LIPA: variants seen among roughly 807,000 people sequenced by gnomAD.
The protein encoded by LIPA is lysosomal acid lipase/cholesteryl ester hydrolase.
Under a neutral mutation model 40.6 loss-of-function variants are expected in LIPA, and 26 were observed. The ratio of observed to expected loss-of-function variants is 0.64; its 90% CI spans 0.47 to 0.89. The LOEUF is 0.89. LIPA is among the 40% of genes least tolerant of loss of function. The pLI is 0.00. For synonymous variants in LIPA, 188 were observed against 168.4 expected (o/e 1.12, Z -0.90); for missense variants, 455 against 479.6 (o/e 0.95, Z 0.48).
rs1302855875 is a variant in LIPA at position 89,366,579 on chromosome 10, C to T, written c.61+46212G>A. ...GCCAACAGACACATGAAAAAATGCT[C>T]ATCATCACTGGCCATCAGAGAAATG... On this transcript the variant is annotated intron_variant, in intron 2 of 8. Transcript: ENST00000371837. Among the ~76,000 whole-genome samples the T allele has an allele frequency of 1.2e-4, 19 of 152,306 alleles. 1 individual carries two copies. Among genetic ancestry groups the T allele is most frequent in the African/African-American group, 4.6e-4 (19 of 41,556 alleles).
At chr10:89,334,221 G>A (rs1843694251) in intron 1 of LIPA, among the ~76,000 whole-genome samples, 1 of 152,226 alleles carries the variant, frequency 6.6e-6, no homozygotes, top group Non-Finnish European at 1.5e-5. Flanking sequence ...AGGTGGTCAT[G>A]ATCTGGGTTA....
rs1454085125 is a variant in LIPA, at chr10:89,213,857, T to C, written c.*971A>G. ...ATATAAAACTAAGACACAAAATGAATCCCTGAGCTGAGTTTGCATCCGAAA... is the reference window on the plus strand; with the variant it reads ...ATATAAAACTAAGACACAAAATGAACCCCTGAGCTGAGTTTGCATCCGAAA... On this transcript the variant is annotated 3_prime_UTR_variant, in exon 10 of 10. Transcript: ENST00000336233. 1 of 152,178 alleles carries C rather than the reference T, an allele frequency of 6.6e-6. No individual in the cohort carries two copies. The highest frequency in any genetic ancestry group is 1.5e-5 in the Non-Finnish European group (1 of 68,018). The allele number at this position is 152,178 out of a possible 1,614,324, so 9.4% of individuals were successfully genotyped here.
At chr10:89,390,740 C>T (rs935320724) in intron 2 of LIPA, among the ~76,000 whole-genome samples, 1 of 152,164 alleles carries the variant, frequency 6.6e-6, no homozygotes. Flanking sequence ...TGGGCCATAG[C>T]CCCGTAGAAC....
intron 1 of LIPA, chr10:89,306,041 A>G: frequency 6.2e-7 from 1 of 1,614,104 alleles, no homozygotes; most frequent in South Asian, 1.1e-5. Flanking sequence ...GGAGGGAGAA[A>G]ACTCCTTGGA....
intron 2 of LIPA, among the ~76,000 whole-genome samples, chr10:89,411,389 G>A (rs1218864392): frequency 6.6e-6 from 1 of 152,208 alleles, no homozygotes; most frequent in African/African-American, 2.4e-5. Context: ...AAATGTGTCA[G>A]CTGTTTGCAC....
rs1269652400 is a variant in LIPA at position 89,259,793 on chromosome 10, CAT to C, written c.-1-12146_-1-12145del. Among the ~76,000 whole-genome samples the C allele has an allele frequency of 1.3e-5, 2 of 152,274 alleles. 1 individual carries two copies. Among genetic ancestry groups the C allele is most frequent in the South Asian group, 4.1e-4 (2 of 4,822 alleles). On this transcript the variant is annotated intron_variant, in intron 1 of 5. Transcript: ENST00000282673. The stretch of plus-strand genomic sequence containing the variant: ...AGAAAGAGGACAAACAAAAACAGTA[CAT>C]GTCTCATTTCATTTTCATAAAAATA...
chr10:89,402,809 C>A (rs554970189), intron 2 of LIPA: 1 of 1,614,166 alleles, frequency 6.2e-7, no homozygotes, highest in Admixed American at 1.7e-5. Flanking sequence ...CTGAATCCAG[C>A]GCTGGGTATG....
intron 2 of LIPA, among the ~76,000 whole-genome samples, chr10:89,247,325 T>C (rs1043895058): frequency 4.0e-5 from 5 of 126,318 alleles, no homozygotes; most frequent in African/African-American, 1.6e-4. Flanking sequence ...TGAGCCGAGA[T>C]CACACCACTG....
At chr10:89,270,993 C>T (rs749513814) in intron 1 of LIPA, among the ~76,000 whole-genome samples, 4 of 152,152 alleles carry the variant, frequency 2.6e-5, no homozygotes, top group African/African-American at 7.2e-5. Context: ...ACCCATCAAA[C>T]CTTAAAGTTG....
At chr10:89,241,149 A>T (rs755664379) in intron 3 of LIPA, among the ~76,000 whole-genome samples, 46 of 152,190 alleles carry the variant, frequency 3.0e-4, no homozygotes, top group Non-Finnish European at 5.1e-4. Flanking sequence ...AGAGCGGTTA[A>T]CCAGGAGGAA....
intron 2 of LIPA, among the ~76,000 whole-genome samples, chr10:89,406,755 C>T (rs181221799): frequency 6.8e-4 from 104 of 152,260 alleles, no homozygotes; most frequent in African/African-American, 2.4e-3. Context: ...TTAAGAACTG[C>T]AACACTCACT....
chr10:89,364,919 G>C (rs954255175), intron 2 of LIPA, among the ~76,000 whole-genome samples: 3 of 152,112 alleles, frequency 2.0e-5, no homozygotes, highest in African/African-American at 7.2e-5. Flanking sequence ...TGTGTGGGAA[G>C]CAAGAAAACT....
rs1843015870 is a variant in LIPA at position 89,245,756 on chromosome 10, T to TC, written c.148dup (p.Glu50GlyfsTer5). 1 of 1,600,112 alleles carries TC rather than the reference T, an allele frequency of 6.2e-7. No individual in the cohort carries two copies. The highest frequency in any genetic ancestry group is 2.2e-5 in the East Asian group (1 of 44,800). Reference sequence around the variant, plus strand: ...TCCATCTTCTGTCTCAACTAGGTATTCCTCACTAGGGAATCCCCAGTAAGA... The same window carrying TC: ...TCCATCTTCTGTCTCAACTAGGTATTCCCTCACTAGGGAATCCCCAGTAAGA... On this transcript the variant is annotated frameshift_variant, in exon 3 of 10. Coordinates refer to ENST00000336233, the MANE Select transcript of LIPA (RefSeq NM_000235.4). LOFTEE classifies it high-confidence loss of function.
intron 1 of LIPA, among the ~76,000 whole-genome samples, chr10:89,318,415 T>C (rs61853138): frequency 0.023 from 3,519 of 152,308 alleles, 52 homozygotes; most frequent in Non-Finnish European, 0.036. Flanking sequence ...GTTGCAATCC[T>C]AGTCTCTGAT....
chr10:89,271,648 G>C (rs1289584996), intron 1 of LIPA, among the ~76,000 whole-genome samples: 2 of 152,154 alleles, frequency 1.3e-5, no homozygotes, highest in Admixed American at 1.3e-4. Context: ...AATGCAGTGA[G>C]GACTGCTAAT....
intron 1 of LIPA, among the ~76,000 whole-genome samples, chr10:89,301,006 A>G (rs1843442525): frequency 6.6e-6 from 1 of 152,240 alleles, no homozygotes; most frequent in East Asian, 1.9e-4. Flanking sequence ...ATTTTAGTTA[A>G]TAATTATAAT....
chr10:89,309,979 G>A (rs1843506708), intron 1 of LIPA, among the ~76,000 whole-genome samples: 1 of 152,094 alleles, frequency 6.6e-6, no homozygotes, highest in Non-Finnish European at 1.5e-5. Flanking sequence ...CAGAGTTATC[G>A]GACCACATCT....
In LIPA at chr10:89,412,363, T is replaced by C. The variant is rs148465224; in HGVS notation, c.61+428A>G. Among the ~76,000 whole-genome samples, 257 of 152,068 alleles carry C rather than the reference T, an allele frequency of 1.7e-3. 2 individuals carry two copies. Among genetic ancestry groups the C allele is most frequent in the African/African-American group, 6.0e-3 (249 of 41,504 alleles). On this transcript the variant is annotated intron_variant, in intron 2 of 8. Coordinates refer to the LIPA transcript ENST00000371837. ...TCAGCACTCTGTCAAAATGGACCAA[T>C]CAGCACTCTGTAAAATGGACCAATC... is the stretch of plus-strand genomic sequence containing the variant.
intron 1 of LIPA, among the ~76,000 whole-genome samples, chr10:89,262,873 G>T (rs1843218254): frequency 6.6e-6 from 1 of 152,154 alleles, no homozygotes; most frequent in Non-Finnish European, 1.5e-5. Context: ...TCTTGTCTAG[G>T]ATTCCTCTCA....
Sources: gnomAD v4.1 joint callset for allele counts (sites outside exome capture counted in the v4.1 genomes callset) on GRCh38, gnomAD v4.1.1 for gene constraint, MANE v1.5 for transcripts, NCBI Gene and HGNC (gene_info 2026-07-23, HGNC 2026-07-21) for gene names.